The following ARHGEF28 variants were observed in gnomAD, a reference collection of about 807,000 sequenced individuals.
ARHGEF28 encodes 190 kDa guanine nucleotide exchange factor.
In ARHGEF28, 152 loss-of-function variants were observed where a neutral mutation model predicts 206.6. The ratio of observed to expected loss-of-function variants is 0.74; its 90% confidence interval spans 0.64 to 0.84. The LOEUF is 0.84. Ranked by LOEUF, ARHGEF28 falls within the 40% of genes least tolerant of loss-of-function variation. The pLI, the probability that ARHGEF28 is intolerant of heterozygous loss-of-function variation, is 0.00. For missense variants in ARHGEF28, 2,028 were observed against 2,073.2 expected (o/e 0.98, Z 0.42); for synonymous variants, 763 against 776.4 (o/e 0.98, Z 0.29).
At position 73,910,263 on chromosome 5, in the gene ARHGEF28, C is replaced by A. The variant is rs539673537; in HGVS notation, c.4647+366C>A. 1.1e-3 allele frequency among the ~76,000 whole-genome samples: 172 copies of A among 150,998 alleles called. 3 individuals carry two copies. In the South Asian group the frequency reaches 0.034, roughly 30 times the overall value. On this transcript the variant is annotated intron_variant, in intron 34 of 35. Transcript: ENST00000513042. ...GGGCTTGGTGGCGGGCCTCTGTAATCCCAGCTACTCAGGAGGCTGAGGCAG... is the reference window on the plus strand; with the variant it reads ...GGGCTTGGTGGCGGGCCTCTGTAATACCAGCTACTCAGGAGGCTGAGGCAG...
intron 28 of ARHGEF28, among the ~76,000 whole-genome samples, chr5:73,893,650 G>A (rs78832090): frequency 6.6e-6 from 1 of 152,138 alleles, no homozygotes; most frequent in African/African-American, 2.4e-5. Flanking sequence ...TCCCCAGTTT[G>A]CAAGTGTGTG....
chr5:73,654,695 C>G (rs185778332), intron 1 of ARHGEF28, among the ~76,000 whole-genome samples: 80 of 152,252 alleles, frequency 5.3e-4, no homozygotes, highest in African/African-American at 1.8e-3. Context: ...GCTGGCCCAC[C>G]CAGTGAAATG....
chr5:73,652,452 T>A lies in ARHGEF28; in HGVS notation c.-12+26130T>A, dbSNP rs149011701. Among the ~76,000 whole-genome samples, 729 of 152,056 alleles carry A rather than the reference T, an allele frequency of 4.8e-3. 5 individuals carry two copies. Among genetic ancestry groups the A allele is most frequent in the African/African-American group, 0.017 (692 of 41,480 alleles). ...GCAAAGGAGCAGGAGTGGGAATGAG[T>A]GTGGGACATGAGAGGGCACGGTATG... On this transcript the variant is annotated intron_variant, in intron 1 of 35. Coordinates refer to ENST00000513042, the MANE Select transcript of ARHGEF28 (RefSeq NM_001177693.2).
chr5:73,684,225 A>T (rs1227814105), intron 1 of ARHGEF28, among the ~76,000 whole-genome samples: 1 of 151,986 alleles, frequency 6.6e-6, no homozygotes, highest in Non-Finnish European at 1.5e-5. Context: ...TTAAATAATA[A>T]CTCTCCATTC....
At chr5:73,708,692 G>A (rs1015635881) in intron 2 of ARHGEF28, among the ~76,000 whole-genome samples, 1 of 152,020 alleles carries the variant, frequency 6.6e-6, no homozygotes, top group Non-Finnish European at 1.5e-5. Context: ...TATCTTTTTG[G>A]TAGACCAATT....
chr5:73,939,209 C>T (rs1358207028), intron 35 of ARHGEF28, among the ~76,000 whole-genome samples: 1 of 152,110 alleles, frequency 6.6e-6, no homozygotes, highest in Non-Finnish European at 1.5e-5. Context: ...CCTCGGTTTC[C>T]CAGCCTGTAA....
chr5:73,794,076 T>C (rs1189318761), intron 7 of ARHGEF28, among the ~76,000 whole-genome samples: 2 of 152,260 alleles, frequency 1.3e-5, no homozygotes, highest in Non-Finnish European at 2.9e-5. Flanking sequence ...AATCTGCTAT[T>C]TTGAAGAACT....
intron 15 of ARHGEF28, 26 bp from the exon 16 acceptor site, chr5:73,858,061 T>A (rs546636442): frequency 6.3e-7 from 1 of 1,579,046 alleles, no homozygotes; most frequent in African/African-American, 1.4e-5. Context: ...TTCCCCACTT[T>A]CCTACTGCTG....
chr5:73,833,253 G>A (rs778704920), intron 10 of ARHGEF28, among the ~76,000 whole-genome samples: 7 of 152,116 alleles, frequency 4.6e-5, no homozygotes, highest in Non-Finnish European at 1.0e-4. Flanking sequence ...CCCTATATAA[G>A]ATCCACCCTA....
chr5:73,909,224 A>G, intron 33 of ARHGEF28, 188 bp from the exon 34 acceptor site: 1 of 701,964 alleles, frequency 1.4e-6, no homozygotes, highest in South Asian at 2.5e-5. Context: ...CCCCTAGGAC[A>G]GATGTAGACA....
rs898107637 is a variant in ARHGEF28 at position 73,858,222 on chromosome 5, A to T, written c.2047+3A>T. On this transcript the variant is annotated splice_donor_region_variant and intron_variant, in intron 16 of 35. Coordinates refer to ENST00000513042, the MANE Select transcript of ARHGEF28 (RefSeq NM_001177693.2). ...GAAAGAGTCACTGCAGTGTTCTAGT[A>T]AGTTCTCAGGTCTATGTGCGCTGTC... 2 of 1,583,716 alleles carry T rather than the reference A, an allele frequency of 1.3e-6. No individual in the cohort carries two copies. Among genetic ancestry groups the T allele is most frequent in the South Asian group, 2.4e-5 (2 of 84,816 alleles).
At chr5:73,802,690 T>C (rs912883216) in intron 9 of ARHGEF28, among the ~76,000 whole-genome samples, 5 of 152,084 alleles carry the variant, frequency 3.3e-5, no homozygotes, top group Non-Finnish European at 7.4e-5. Context: ...GTGAAAAATA[T>C]GAAATATATT....
intron 11 of ARHGEF28, among the ~76,000 whole-genome samples, chr5:73,841,351 A>G (rs1022712105): frequency 3.9e-5 from 6 of 152,224 alleles, no homozygotes; most frequent in Non-Finnish European, 8.8e-5. Context: ...TTTCATTTTT[A>G]TAGAATGCAA....
intron 9 of ARHGEF28, among the ~76,000 whole-genome samples, chr5:73,820,330 C>T (rs969604231): frequency 6.6e-6 from 1 of 152,144 alleles, no homozygotes; most frequent in African/African-American, 2.4e-5. Context: ...CCCTCTCCTA[C>T]TCTTCCTTGT....
At chr5:73,862,440 A>T (rs1414469274) in intron 16 of ARHGEF28, among the ~76,000 whole-genome samples, 1 of 152,194 alleles carries the variant, frequency 6.6e-6, no homozygotes, top group Non-Finnish European at 1.5e-5. Context: ...GTTGTTTTAT[A>T]ACAGGGTTTT....
chr5:73,846,585 T>A, intron 12 of ARHGEF28, 110 bp downstream of exon 12: 3 of 967,318 alleles, frequency 3.1e-6, no homozygotes, highest in African/African-American at 7.4e-5. Context: ...ACATATGAAC[T>A]ATTTTTTTGA....
intron 14 of ARHGEF28, among the ~76,000 whole-genome samples, chr5:73,854,314 A>G (rs1279445323): frequency 1.3e-5 from 2 of 152,316 alleles, no homozygotes; most frequent in East Asian, 3.9e-4. Context: ...ACATCCATGT[A>G]AAAAATGAGC....
intron 26 of ARHGEF28, among the ~76,000 whole-genome samples, chr5:73,890,496 C>G (rs1293025652): frequency 6.6e-6 from 1 of 152,172 alleles, no homozygotes; most frequent in Non-Finnish European, 1.5e-5. Flanking sequence ...GGCAGTATTC[C>G]AACAACTCTG....
Position 73,881,997 on chromosome 5 carries a change from A to G in ARHGEF28, c.2815-475A>G, listed in dbSNP as rs1760982399. Reference sequence around the variant, plus strand: ...TCCCTACTAAGGACTCAGTCTATGGACATGGTCATTAGCCAGTGTAAATGC... The same window carrying G: ...TCCCTACTAAGGACTCAGTCTATGGGCATGGTCATTAGCCAGTGTAAATGC... On this transcript the variant is annotated intron_variant, in intron 22 of 35. Coordinates refer to ENST00000513042, the MANE Select transcript of ARHGEF28 (RefSeq NM_001177693.2). Among the ~76,000 whole-genome samples, 3 of 152,290 alleles carry G rather than the reference A, an allele frequency of 2.0e-5. No individual in the cohort carries two copies. The South Asian group carries it at 6.2e-4, about 32-fold the overall frequency.
Sources: gnomAD v4.1 joint callset for allele counts (sites outside exome capture counted in the v4.1 genomes callset) on GRCh38, gnomAD v4.1.1 for gene constraint, MANE v1.5 for transcripts, NCBI Gene and HGNC (gene_info 2026-07-23, HGNC 2026-07-21) for gene names.